KCNK13: variants seen among roughly 807,000 people sequenced by gnomAD.
KCNK13 encodes the protein potassium two pore domain channel subfamily K member 13, also known as potassium channel subfamily K member 13.
In KCNK13, 12 loss-of-function variants were observed where a neutral mutation model predicts 23.4. The ratio of observed to expected loss-of-function variants is 0.51; its 90% CI spans 0.33 to 0.83. KCNK13 has a LOEUF of 0.83. KCNK13 is among the 40% of genes least tolerant of loss of function. The pLI is 0.02. For synonymous variants in KCNK13, 231 were observed against 229.5 expected, an observed-to-expected ratio of 1.01 and a Z score of -0.06; for missense variants, 463 against 556.3, an observed-to-expected ratio of 0.83 and a Z score of 1.69.
At chr14:90,175,509 T>A (rs1356738135) in intron 1 of KCNK13, among the ~76,000 whole-genome samples, 1 of 152,192 alleles carries the variant, frequency 6.6e-6, no homozygotes, top group Non-Finnish European at 1.5e-5. Context: ...GAACCTCCAT[T>A]AAATTCCACA....
chr14:90,121,191 A>G (rs1889735370), intron 1 of KCNK13, among the ~76,000 whole-genome samples: 1 of 152,236 alleles, frequency 6.6e-6, no homozygotes, highest in African/African-American at 2.4e-5. Flanking sequence ...GCTGCAAAGA[A>G]TAAGAATAAT....
At chr14:90,180,399 TA>T (rs1417349035) in intron 1 of KCNK13, among the ~76,000 whole-genome samples, 1 of 152,162 alleles carries the variant, frequency 6.6e-6, no homozygotes, top group African/African-American at 2.4e-5. Context: ...GGAGGGTTTC[TA>T]TGGAAAAGCC....
At chr14:90,102,794 T>C (rs1283536937) in intron 1 of KCNK13, among the ~76,000 whole-genome samples, 1 of 152,236 alleles carries the variant, frequency 6.6e-6, no homozygotes, top group Non-Finnish European at 1.5e-5. Flanking sequence ...ATTTTAGTTC[T>C]GTTAACATTC....
chr14:90,133,082 C>A lies in KCNK13; in HGVS notation c.335-51029C>A, dbSNP rs7494678. Among the ~76,000 whole-genome samples the A allele has an allele frequency of 3.9e-5, 6 of 152,024 alleles. No individual in the cohort carries two copies. In the South Asian group the frequency reaches 1.0e-3, roughly 26 times the overall value. Reference sequence around the variant, plus strand: ...TTTGACCTGTCCTCTTCCTTGGCTCCGCAAAGAGATGTCAGCAGGAAGAGA... The same window carrying A: ...TTTGACCTGTCCTCTTCCTTGGCTCAGCAAAGAGATGTCAGCAGGAAGAGA... On this transcript the variant is annotated intron_variant, in intron 1 of 1. Coordinates refer to ENST00000282146, the MANE Select transcript of KCNK13 (RefSeq NM_022054.4).
intron 1 of KCNK13, among the ~76,000 whole-genome samples, chr14:90,128,287 C>A (rs1335400590): frequency 6.6e-6 from 1 of 152,148 alleles, no homozygotes; most frequent in Non-Finnish European, 1.5e-5. Context: ...TACTTCCAGT[C>A]CCAGGGAGGA....
chr14:90,179,770 A>C (rs1890465119), intron 1 of KCNK13, among the ~76,000 whole-genome samples: 1 of 152,226 alleles, frequency 6.6e-6, no homozygotes, highest in Admixed American at 6.5e-5. Context: ...CCTACAAAAT[A>C]TGGGGAGACT....
chr14:90,087,553 C>A (rs1343577326), intron 1 of KCNK13, among the ~76,000 whole-genome samples: 2 of 152,170 alleles, frequency 1.3e-5, no homozygotes, highest in African/African-American at 4.8e-5. Context: ...TCCATCCCCG[C>A]TTCTCATGAT....
chr14:90,173,002 G>T (rs1890382709), intron 1 of KCNK13, among the ~76,000 whole-genome samples: 1 of 152,170 alleles, frequency 6.6e-6, no homozygotes, highest in African/African-American at 2.4e-5. Context: ...AAGGCCTAGA[G>T]CTTCAATATT....
At chr14:90,105,181 C>T (rs1596779672) in intron 1 of KCNK13, among the ~76,000 whole-genome samples, 1 of 152,144 alleles carries the variant, frequency 6.6e-6, no homozygotes, top group Non-Finnish European at 1.5e-5. Flanking sequence ...AGGCATTCAG[C>T]AGCACCGTGT....
At chr14:90,083,959 C>T (rs1566948522) in intron 1 of KCNK13, among the ~76,000 whole-genome samples, 1 of 152,160 alleles carries the variant, frequency 6.6e-6, no homozygotes, top group Non-Finnish European at 1.5e-5. Context: ...ATTGTTTTAG[C>T]ACACTTGACA....
At chr14:90,105,060 G>C (rs1337685880) in intron 1 of KCNK13, among the ~76,000 whole-genome samples, 1 of 151,964 alleles carries the variant, frequency 6.6e-6, no homozygotes, top group Middle Eastern at 3.2e-3. Context: ...AAAGTGCTAG[G>C]ATTACAGGCA....
chr14:90,140,798 C>T (rs545580672), intron 1 of KCNK13, among the ~76,000 whole-genome samples: 3 of 152,074 alleles, frequency 2.0e-5, no homozygotes, highest in Non-Finnish European at 4.4e-5. Context: ...GTCATTGTCT[C>T]CCCGGGGCGC....
At chr14:90,168,545 C>T (rs1331665553) in intron 1 of KCNK13, among the ~76,000 whole-genome samples, 1 of 152,100 alleles carries the variant, frequency 6.6e-6, no homozygotes, top group South Asian at 2.1e-4. Flanking sequence ...GACTCTAGCT[C>T]GTAGGTATTT....
intron 1 of KCNK13, among the ~76,000 whole-genome samples, chr14:90,080,091 G>A (rs1889189333): frequency 6.6e-6 from 1 of 152,184 alleles, no homozygotes; most frequent in Admixed American, 6.5e-5. Flanking sequence ...CGGCTGGAGG[G>A]ATCCCTAGTT....
chr14:90,068,917 T>C (rs1177054140), intron 1 of KCNK13, among the ~76,000 whole-genome samples: 2 of 152,050 alleles, frequency 1.3e-5, no homozygotes, highest in African/African-American at 4.8e-5. Flanking sequence ...GATGCAGGGA[T>C]GTGCCGGGCT....
At chr14:90,100,113 A>G (rs76781231) in intron 1 of KCNK13, among the ~76,000 whole-genome samples, 1,914 of 152,352 alleles carry the variant, frequency 0.013, 46 homozygotes, top group African/African-American at 0.044. Flanking sequence ...GGGCCAGAAT[A>G]AAGTTTTTTG....
chr14:90,105,744 G>A (rs554956225), intron 1 of KCNK13, among the ~76,000 whole-genome samples: 20 of 152,222 alleles, frequency 1.3e-4, no homozygotes, highest in African/African-American at 4.3e-4. Context: ...TCCAAAGAGA[G>A]CCAGGCACAA....
intron 1 of KCNK13, among the ~76,000 whole-genome samples, chr14:90,164,741 A>T (rs1386263809): frequency 3.3e-5 from 5 of 152,212 alleles, no homozygotes; most frequent in African/African-American, 9.6e-5. Flanking sequence ...GTCATTTTGT[A>T]TCCCTGGGCC....
intron 1 of KCNK13, among the ~76,000 whole-genome samples, chr14:90,068,872 A>G (rs1889039371): frequency 6.6e-6 from 1 of 152,090 alleles, no homozygotes; most frequent in Non-Finnish European, 1.5e-5. Flanking sequence ...CTGGAAGTCA[A>G]GTGCGCTGAG....
Sources: gnomAD v4.1 joint callset for allele counts (sites outside exome capture counted in the v4.1 genomes callset) on GRCh38, gnomAD v4.1.1 for gene constraint, MANE v1.5 for transcripts, NCBI Gene and HGNC (gene_info 2026-07-23, HGNC 2026-07-21) for gene names.